The following CHRM5 variants were observed in gnomAD, a reference collection of about 807,000 sequenced individuals.
CHRM5 encodes cholinergic receptor muscarinic 5.
Under a neutral mutation model 39.0 loss-of-function variants are expected in CHRM5, and 18 were observed. The observed-to-expected ratio is 0.46, with a 90% CI of 0.32 to 0.68. The LOEUF is 0.68. Among genes scored for constraint, CHRM5 ranks in the 30% least tolerant of loss-of-function variants. CHRM5 has a pLI of 0.04. For synonymous variants in CHRM5, 241 were observed against 246.3 expected (o/e 0.98, Z 0.20); for missense variants, 515 against 651.1 (o/e 0.79, Z 2.28).
chr15:34,033,980 T>C (rs942067028), intron 1 of CHRM5, among the ~76,000 whole-genome samples: 1 of 151,900 alleles, frequency 6.6e-6, no homozygotes, highest in Non-Finnish European at 1.5e-5. Context: ...TAGAGAGGGG[T>C]TTCACCATTT....
chr15:34,047,344 T>G lies in CHRM5; in HGVS notation c.-76+473T>G, dbSNP rs913942570. Among the ~76,000 whole-genome samples, 18 of 152,310 alleles carry G rather than the reference T, an allele frequency of 1.2e-4. No homozygotes were observed. The East Asian group carries it at 3.1e-3, about 26-fold the overall frequency. On this transcript the variant is annotated intron_variant, in intron 2 of 2. Transcript: ENST00000383263. ...CGCCCGTGTCAGCCTCCCAAAGTGC[T>G]GGGATTACAGGCGTGAGCCACCGTG...
intron 1 of CHRM5, among the ~76,000 whole-genome samples, chr15:34,038,479 G>C (rs1167427303): frequency 6.6e-6 from 1 of 152,142 alleles, no homozygotes; most frequent in Non-Finnish European, 1.5e-5. Context: ...TTGCAGCCCT[G>C]ACACACGGCC....
intron 1 of CHRM5, among the ~76,000 whole-genome samples, chr15:34,027,162 C>G (rs897100041): frequency 1.3e-5 from 2 of 152,130 alleles, no homozygotes; most frequent in Non-Finnish European, 2.9e-5. Flanking sequence ...TTTAAAACAG[C>G]TAAATCTCAG....
intron 1 of CHRM5, among the ~76,000 whole-genome samples, chr15:34,000,550 C>A (rs1224493654): frequency 6.6e-6 from 1 of 152,184 alleles, no homozygotes; most frequent in African/African-American, 2.4e-5. Context: ...TATTTTTTCT[C>A]AGTTGTCTAT....
chr15:33,975,790 C>G (rs1250536479), intron 1 of CHRM5, among the ~76,000 whole-genome samples: 1 of 152,084 alleles, frequency 6.6e-6, no homozygotes, highest in Non-Finnish European at 1.5e-5. Flanking sequence ...ATTAGCCGGG[C>G]GTGGTGGCAC....
intron 1 of CHRM5, among the ~76,000 whole-genome samples, chr15:34,010,460 A>AT (rs1897589497): frequency 6.6e-6 from 1 of 152,174 alleles, no homozygotes; most frequent in Non-Finnish European, 1.5e-5. Context: ...AACAGATCCT[A>AT]TTTAAAGCCT....
chr15:34,006,812 G>T (rs1432344967), intron 1 of CHRM5, among the ~76,000 whole-genome samples: 1 of 152,156 alleles, frequency 6.6e-6, no homozygotes, highest in Admixed American at 6.5e-5. Flanking sequence ...AAAAAGTTTA[G>T]AAGACATTTG....
Position 34,053,318 on chromosome 15 carries a change from A to T in CHRM5, c.-76+6447A>T, listed in dbSNP as rs1373087581. ...CCATCTCAAAAAAAAAAAAAAAAAA[A>T]AATATATATATATATATATATATAT... On this transcript the variant is annotated intron_variant, in intron 2 of 2. Transcript: ENST00000383263. Among the ~76,000 whole-genome samples, 191 of 101,972 alleles carry T rather than the reference A, an allele frequency of 1.9e-3. 3 individuals are homozygous for T. The highest frequency in any genetic ancestry group is 6.7e-3 in the African/African-American group (183 of 27,510). 66.9% of individuals were successfully genotyped at this position (101,972 alleles called of 152,430 possible).
At chr15:34,047,367 G>A (rs1173944525) in intron 2 of CHRM5, among the ~76,000 whole-genome samples, 2 of 152,088 alleles carry the variant, frequency 1.3e-5, no homozygotes, top group African/African-American at 4.8e-5. Context: ...GTGAGCCACC[G>A]TGCCCGGCGG....
chr15:34,045,478 T>G (rs576145001), intron 1 of CHRM5, among the ~76,000 whole-genome samples: 2 of 152,338 alleles, frequency 1.3e-5, no homozygotes, highest in South Asian at 4.1e-4. Flanking sequence ...TCCTTCCTCA[T>G]ATCTAACACA....
At chr15:34,028,854 T>C (rs534261313) in intron 1 of CHRM5, among the ~76,000 whole-genome samples, 4 of 151,578 alleles carry the variant, frequency 2.6e-5, no homozygotes, top group Non-Finnish European at 5.9e-5. Context: ...GGCCACCACA[T>C]TGTACCTTCA....
intron 1 of CHRM5, among the ~76,000 whole-genome samples, chr15:34,038,582 G>T (rs1238217615): frequency 6.6e-6 from 1 of 150,788 alleles, no homozygotes; most frequent in Non-Finnish European, 1.5e-5. Flanking sequence ...GAGGCCACGA[G>T]GGCCAAGCGC....
chr15:33,969,672 C>T (rs765505362), intron 1 of CHRM5, among the ~76,000 whole-genome samples: 11 of 151,924 alleles, frequency 7.2e-5, no homozygotes, highest in Non-Finnish European at 1.2e-4. Context: ...TCTACTAAAT[C>T]GAGGTATAAC....
intron 1 of CHRM5, chr15:34,002,952 A>T: frequency 7.9e-7 from 1 of 1,262,360 alleles, no homozygotes; most frequent in Non-Finnish European, 1.1e-6. Context: ...TAGTTATAAA[A>T]GTAGAATTTA....
chr15:34,021,788 G>A (rs1898211345), intron 1 of CHRM5, among the ~76,000 whole-genome samples: 1 of 152,116 alleles, frequency 6.6e-6, no homozygotes, highest in Non-Finnish European at 1.5e-5. Flanking sequence ...CCAGGAGGTG[G>A]AGGTTGCAGT....
chr15:34,031,556 C>T (rs1344763186), intron 1 of CHRM5, among the ~76,000 whole-genome samples: 1 of 152,126 alleles, frequency 6.6e-6, no homozygotes, highest in Non-Finnish European at 1.5e-5. Context: ...CAGACAGATT[C>T]GTATCAGTCC....
chr15:34,004,817 A>T (rs1291704841), intron 1 of CHRM5, among the ~76,000 whole-genome samples: 2 of 152,194 alleles, frequency 1.3e-5, no homozygotes, highest in Admixed American at 1.3e-4. Context: ...AAATTTTTTC[A>T]TAATAGAATA....
chr15:34,053,303 A>C (rs1014048718), intron 2 of CHRM5, among the ~76,000 whole-genome samples: 3 of 78,782 alleles, frequency 3.8e-5, no homozygotes, highest in Admixed American at 1.6e-4. Flanking sequence ...CCATCTCAAA[A>C]AAAAAAAAAA....
chr15:34,041,699 A>G (rs751639121), intron 1 of CHRM5, among the ~76,000 whole-genome samples: 4 of 152,182 alleles, frequency 2.6e-5, no homozygotes, highest in Admixed American at 1.3e-4. Flanking sequence ...ACCTGATACT[A>G]TTCTAAGCAC....
Sources: allele counts gnomAD v4.1 joint callset (sites outside exome capture counted in the v4.1 genomes callset), GRCh38; gene constraint gnomAD v4.1.1; transcripts MANE v1.5; gene names NCBI Gene and HGNC (gene_info 2026-07-23, HGNC 2026-07-21).